PCSK5: variants seen among roughly 807,000 people sequenced by gnomAD.
PCSK5 encodes proprotein convertase subtilisin/kexin type 5, also known as prohormone convertase 5.
A neutral mutation model predicts 233.2 loss-of-function variants in PCSK5; 129 were observed. The ratio of observed to expected loss-of-function variants is 0.55; its 90% confidence interval spans 0.48 to 0.64. PCSK5 has a LOEUF of 0.64. PCSK5 is among the 30% of genes least tolerant of loss of function. The probability of loss-of-function intolerance (pLI) is 0.00; values close to 1 mark genes in which losing one functional copy is unlikely to be tolerated. For missense variants in PCSK5, 2,076 were observed against 2,430.1 expected (o/e 0.85, Z 3.06); for synonymous variants, 825 against 879.2 (o/e 0.94, Z 1.09).
intron 7 of PCSK5, among the ~76,000 whole-genome samples, chr9:76,092,812 G>A (rs767934743): frequency 6.6e-6 from 1 of 152,122 alleles, no homozygotes; most frequent in Non-Finnish European, 1.5e-5. Flanking sequence ...ACAGTGGACC[G>A]TCTATGGGTA....
intron 1 of PCSK5, among the ~76,000 whole-genome samples, chr9:75,932,036 T>C (rs767562284): frequency 1.3e-5 from 2 of 152,182 alleles, no homozygotes; most frequent in Non-Finnish European, 2.9e-5. Flanking sequence ...TATTTGATTT[T>C]CCCCCCTCTT....
At chr9:76,275,183 T>C (rs7041259) in intron 24 of PCSK5, among the ~76,000 whole-genome samples, 5,615 of 152,212 alleles carry the variant, frequency 0.037, 335 homozygotes, top group African/African-American at 0.13. Context: ...GAGGTTTGGA[T>C]GGTCAAATAG....
chr9:76,286,887 G>T, intron 24 of PCSK5: 1 of 222,586 alleles, frequency 4.5e-6, no homozygotes, highest in South Asian at 7.0e-5. Flanking sequence ...TGCAGCCATT[G>T]GTGATTAACT....
intron 24 of PCSK5, among the ~76,000 whole-genome samples, chr9:76,264,499 CT>C (rs1469285381): frequency 6.6e-6 from 1 of 151,998 alleles, no homozygotes; most frequent in Non-Finnish European, 1.5e-5. Context: ...GCAAAAGAAA[CT>C]ATCAACAGAG....
At chr9:75,990,564 A>G (rs1434091246) in intron 3 of PCSK5, among the ~76,000 whole-genome samples, 1 of 152,220 alleles carries the variant, frequency 6.6e-6, no homozygotes, top group Non-Finnish European at 1.5e-5. Context: ...TGCATTGACA[A>G]GCTTCTTCTG....
At chr9:76,213,530 A>T (rs1825407564) in intron 20 of PCSK5, among the ~76,000 whole-genome samples, 1 of 151,500 alleles carries the variant, frequency 6.6e-6, no homozygotes, top group Admixed American at 6.6e-5. Flanking sequence ...TAGTGGTTCC[A>T]CTCCCTCACC....
chr9:76,345,405 G>T (rs538631735), intron 35 of PCSK5, among the ~76,000 whole-genome samples: 1 of 150,820 alleles, frequency 6.6e-6, no homozygotes, highest in Admixed American at 6.6e-5. Flanking sequence ...GCTTATTTTC[G>T]TATTCTTTGT....
chr9:76,350,939 C>G lies in PCSK5; in HGVS notation c.5067+11C>G. ...TACAGAGTGGGAGAGGTATGGAGGG[C>G]TGGGGGTCCTGGGCCTTCTGCTCTT... is the stretch of plus-strand genomic sequence containing the variant. On this transcript the variant is annotated intron_variant, in intron 36 of 37. Coordinates refer to ENST00000674117, the MANE Select transcript of PCSK5 (RefSeq NM_001372043.1). 1 of 1,341,670 alleles carries G rather than the reference C, an allele frequency of 7.5e-7. No homozygotes were observed. The highest frequency in any genetic ancestry group is 1.1e-6 in the Non-Finnish European group (1 of 939,640). 83.1% of individuals were successfully genotyped at this position (1,341,670 alleles called of 1,614,324 possible).
intron 5 of PCSK5, among the ~76,000 whole-genome samples, chr9:76,035,312 G>T (rs1828813516): frequency 6.6e-6 from 1 of 152,164 alleles, no homozygotes; most frequent in Non-Finnish European, 1.5e-5. Context: ...AGTAAATATA[G>T]AAAATGATTA....
At chr9:76,256,893 A>G (rs1827001002) in intron 24 of PCSK5, among the ~76,000 whole-genome samples, 1 of 152,200 alleles carries the variant, frequency 6.6e-6, no homozygotes, top group South Asian at 2.1e-4. Context: ...ATCCTGTTTT[A>G]TAAAGGAAAG....
intron 8 of PCSK5, 145 bp downstream of exon 8, chr9:76,096,247 C>T (rs888805127): frequency 6.4e-6 from 4 of 625,516 alleles, no homozygotes; most frequent in Admixed American, 2.9e-5. Flanking sequence ...AAATTAGATT[C>T]GCTGATAATA....
At chr9:76,301,278 A>AG (rs895901748) in intron 27 of PCSK5, among the ~76,000 whole-genome samples, 1 of 151,674 alleles carries the variant, frequency 6.6e-6, no homozygotes, top group Admixed American at 6.6e-5. Flanking sequence ...TCAAAAAAAA[A>AG]AAAAAGAAAG....
Position 76,359,908 on chromosome 9 carries a change from G to A in PCSK5, c.*986G>A, listed in dbSNP as rs1360991568. On this transcript the variant is annotated 3_prime_UTR_variant, in exon 38 of 38. Coordinates refer to ENST00000674117, the MANE Select transcript of PCSK5 (RefSeq NM_001372043.1). ...CATGGAAAAAAAAAAATCCCAATAT[G>A]CTGCTCACAAGCTGTACTCTAGCTG... 2.0e-5 allele frequency: 3 copies of A among 152,004 alleles called. No individual in the cohort carries two copies. Among genetic ancestry groups the A allele is most frequent in the African/African-American group, 7.2e-5 (3 of 41,394 alleles). The allele number at this position is 152,004 out of a possible 1,614,324, so 9.4% of individuals were successfully genotyped here.
At chr9:76,188,978 G>A (rs1375643914) in intron 18 of PCSK5, 116 bp from the exon 19 acceptor site, 1 of 895,680 alleles carries the variant, frequency 1.1e-6, no homozygotes, top group East Asian at 2.7e-5. Context: ...GAAAAAGCAT[G>A]AATATTAAAT....
chr9:76,049,888 T>C (rs1587551594), intron 5 of PCSK5, among the ~76,000 whole-genome samples: 4 of 152,354 alleles, frequency 2.6e-5, no homozygotes, highest in African/African-American at 2.4e-5. Flanking sequence ...ATTTTTGGCC[T>C]ATTTAACAAA....
chr9:76,137,728 A>G (rs1587674638), intron 10 of PCSK5, among the ~76,000 whole-genome samples: 1 of 152,126 alleles, frequency 6.6e-6, no homozygotes, highest in African/African-American at 2.4e-5. Context: ...GAGAATAGGG[A>G]ATTATTTGCC....
At chr9:75,922,341 A>G (rs1476905955) in intron 1 of PCSK5, among the ~76,000 whole-genome samples, 1 of 152,188 alleles carries the variant, frequency 6.6e-6, no homozygotes, top group Non-Finnish European at 1.5e-5. Flanking sequence ...AGGTCATGGT[A>G]TCATGGACTC....
At chr9:76,098,576 C>T (rs1831630695) in intron 8 of PCSK5, among the ~76,000 whole-genome samples, 1 of 152,170 alleles carries the variant, frequency 6.6e-6, no homozygotes, top group Admixed American at 6.5e-5. Context: ...CGTTTTTTAC[C>T]TCTGGAGTTT....
intron 24 of PCSK5, among the ~76,000 whole-genome samples, chr9:76,280,653 T>C (rs1473068703): frequency 1.3e-5 from 2 of 152,032 alleles, no homozygotes; most frequent in South Asian, 2.1e-4. Flanking sequence ...GGAGGATTGC[T>C]TGATCCCAGG....
Sources: allele counts gnomAD v4.1 joint callset (sites outside exome capture counted in the v4.1 genomes callset), GRCh38; gene constraint gnomAD v4.1.1; transcripts MANE v1.5; gene names NCBI Gene and HGNC (gene_info 2026-07-23, HGNC 2026-07-21).